The following ETS1 variants were observed in gnomAD, a reference collection of about 807,000 sequenced individuals.
ETS1 encodes protein C-ets-1.
ETS1 carries 15 observed loss-of-function variants against 58.6 expected under a neutral mutation model. The observed-to-expected ratio is 0.26, with a 90% CI of 0.17 to 0.39. The LOEUF (loss-of-function observed/expected upper bound fraction) is 0.39. Among genes scored for constraint, ETS1 ranks in the 10% least tolerant of loss-of-function variants. The pLI, the probability that ETS1 is intolerant of heterozygous loss-of-function variation, is 1.00. For synonymous variants in ETS1, 214 were observed against 218.2 expected, an observed-to-expected ratio of 0.98 and a Z score of 0.17; for missense variants, 417 against 610.5, an observed-to-expected ratio of 0.68 and a Z score of 3.34.
chr11:128,538,603 T>C (rs912941707), intron 3 of ETS1, among the ~76,000 whole-genome samples: 5 of 152,232 alleles, frequency 3.3e-5, no homozygotes, highest in African/African-American at 1.2e-4. Context: ...AATTTACTTG[T>C]CTGTAAAATG....
At chr11:128,510,490 G>A (rs1442869794) in intron 3 of ETS1, among the ~76,000 whole-genome samples, 1 of 152,138 alleles carries the variant, frequency 6.6e-6, no homozygotes, top group Non-Finnish European at 1.5e-5. Flanking sequence ...ACCGGGCAAA[G>A]CTAAGACCAA....
chr11:128,467,437 G>A (rs1029654366), intron 8 of ETS1, among the ~76,000 whole-genome samples: 5 of 152,172 alleles, frequency 3.3e-5, no homozygotes, highest in Non-Finnish European at 5.9e-5. Context: ...GGGTGTTTCT[G>A]TGTGCTTAGC....
intron 2 of ETS1, among the ~76,000 whole-genome samples, chr11:128,559,272 G>A (rs902946539): frequency 2.6e-5 from 4 of 152,196 alleles, no homozygotes; most frequent in African/African-American, 9.7e-5. Context: ...AAGTGACCTG[G>A]GAACAATGTG....
chr11:128,527,309 C>A, intron 3 of ETS1: 1 of 193,044 alleles, frequency 5.2e-6, no homozygotes, highest in South Asian at 7.6e-5. Flanking sequence ...GCAGCCCCAA[C>A]AATGTGGGGT....
At chr11:128,552,336 G>A (rs1021710542) in intron 3 of ETS1, among the ~76,000 whole-genome samples, 7 of 152,188 alleles carry the variant, frequency 4.6e-5, no homozygotes, top group African/African-American at 1.7e-4. Flanking sequence ...AGGTTTTACT[G>A]TGTTCAGTGA....
At chr11:128,544,246 C>A (rs981993155) in intron 3 of ETS1, among the ~76,000 whole-genome samples, 2 of 150,148 alleles carry the variant, frequency 1.3e-5, no homozygotes, top group African/African-American at 4.9e-5. Flanking sequence ...TAAAAATAGG[C>A]ATAGAGCAAA....
chr11:128,537,824 C>A (rs1375050402), intron 3 of ETS1, among the ~76,000 whole-genome samples: 1 of 151,990 alleles, frequency 6.6e-6, no homozygotes, highest in Non-Finnish European at 1.5e-5. Flanking sequence ...GGGAAATATT[C>A]CATTGTTTTA....
chr11:128,486,846 T>C (rs1206937739), intron 5 of ETS1, among the ~76,000 whole-genome samples: 1 of 152,240 alleles, frequency 6.6e-6, no homozygotes, highest in Non-Finnish European at 1.5e-5. Flanking sequence ...GACCCTGCAG[T>C]AAGCCTGGGA....
chr11:128,522,537 C>G (rs1053661446), intron 3 of ETS1: 1 of 216,210 alleles, frequency 4.6e-6, no homozygotes, highest in African/African-American at 2.3e-5. Flanking sequence ...GGCTGGCGAG[C>G]GCGGGGCCGG....
chr11:128,498,183 C>T (rs1477474067), intron 3 of ETS1, among the ~76,000 whole-genome samples: 1 of 152,052 alleles, frequency 6.6e-6, no homozygotes, highest in Non-Finnish European at 1.5e-5. Context: ...AAGCTTAAGA[C>T]ATAGTAGGTG....
chr11:128,533,948 C>T (rs1401609763), intron 3 of ETS1, among the ~76,000 whole-genome samples: 1 of 152,052 alleles, frequency 6.6e-6, no homozygotes, highest in South Asian at 2.1e-4. Flanking sequence ...ATAAAATAAC[C>T]ACTTTATACC....
chr11:128,553,135 G>A (rs1864258343), intron 3 of ETS1, among the ~76,000 whole-genome samples: 1 of 152,182 alleles, frequency 6.6e-6, no homozygotes, highest in Admixed American at 6.5e-5. Context: ...GAGAAGCTGA[G>A]ACAGAAAGGG....
In ETS1 at chr11:128,573,060, A is replaced by G. The variant is rs1864669644; in HGVS notation, c.69+2T>C. 1 of 1,603,008 alleles carries G rather than the reference A, an allele frequency of 6.2e-7. No homozygotes were observed. Among genetic ancestry groups the G allele is most frequent in the East Asian group, 2.2e-5 (1 of 44,572 alleles). ...AGGGGCAGGGAAGGGGCCACCACTC[A>G]CCACCACTGCAGGACGAGGCGCTGA... On this transcript the variant is annotated splice_donor_variant, in intron 2 of 9. Coordinates refer to ENST00000392668, the MANE Select transcript of ETS1 (RefSeq NM_001143820.2). LOFTEE classifies it high-confidence loss of function.
intron 1 of ETS1, among the ~76,000 whole-genome samples, chr11:128,586,589 T>C (rs941882069): frequency 6.6e-5 from 10 of 152,186 alleles, no homozygotes; most frequent in African/African-American, 2.4e-4. Flanking sequence ...TGCATGGCAG[T>C]GGTCTAAAGT....
chr11:128,563,677 G>A (rs1457691593), intron 2 of ETS1, among the ~76,000 whole-genome samples: 1 of 152,214 alleles, frequency 6.6e-6, no homozygotes, highest in African/African-American at 2.4e-5. Context: ...GAGGTATAAT[G>A]TGGGTCTGTG....
In ETS1 at chr11:128,558,539, G is replaced by A. The variant is rs188710355; in HGVS notation, c.70-2104C>T. ...GGGCGCCTGTAATCCCAGCTACTAGGGAGACTGAGGCAGGAGAATCGCTTG... is the reference window on the plus strand; with the variant it reads ...GGGCGCCTGTAATCCCAGCTACTAGAGAGACTGAGGCAGGAGAATCGCTTG... On this transcript the variant is annotated intron_variant, in intron 2 of 9. Coordinates refer to ENST00000392668, the MANE Select transcript of ETS1 (RefSeq NM_001143820.2). Among the ~76,000 whole-genome samples the A allele has an allele frequency of 4.5e-3, 679 of 151,940 alleles. 4 individuals carry two copies. Among genetic ancestry groups the A allele is most frequent in the Admixed American group, 9.1e-3 (139 of 15,266 alleles).
intron 6 of ETS1, among the ~76,000 whole-genome samples, 186 bp from the exon 7 acceptor site, chr11:128,485,257 T>A (rs1862597684): frequency 6.6e-6 from 1 of 152,212 alleles, no homozygotes; most frequent in African/African-American, 2.4e-5. Context: ...CTTGACAAGG[T>A]AATTGATTTC....
chr11:128,479,182 T>C (rs1862413588), intron 8 of ETS1, among the ~76,000 whole-genome samples: 2 of 152,206 alleles, frequency 1.3e-5, no homozygotes, highest in African/African-American at 4.8e-5. Flanking sequence ...GGATTCAGCA[T>C]ACTCTAAGGA....
chr11:128,518,495 A>G (rs544695069), intron 3 of ETS1, among the ~76,000 whole-genome samples: 4 of 152,346 alleles, frequency 2.6e-5, no homozygotes, highest in Non-Finnish European at 5.9e-5. Context: ...ATGAAGTAGA[A>G]TGATTGTACT....
Sources: gnomAD v4.1 joint callset for allele counts (sites outside exome capture counted in the v4.1 genomes callset) on GRCh38, gnomAD v4.1.1 for gene constraint, MANE v1.5 for transcripts, NCBI Gene and HGNC (gene_info 2026-07-23, HGNC 2026-07-21) for gene names.